Variants in PDE4D observed in about 807,000 individuals in gnomAD.
PDE4D encodes the protein 3',5'-cyclic-AMP phosphodiesterase 4D.
PDE4D carries 24 observed loss-of-function variants against 87.4 expected under a neutral mutation model. The ratio of observed to expected loss-of-function variants is 0.27; its 90% confidence interval spans 0.20 to 0.39. The LOEUF is 0.39. PDE4D is among the 10% of genes least tolerant of loss of function. The probability of loss-of-function intolerance (pLI) is 1.00; values close to 1 mark genes in which losing one functional copy is unlikely to be tolerated. For synonymous variants in PDE4D, 384 were observed against 383.2 expected, an observed-to-expected ratio of 1.00 and a Z score of -0.02; for missense variants, 714 against 1,041.0, an observed-to-expected ratio of 0.69 and a Z score of 4.32.
chr5:59,852,429 A>G (rs1744816654), intron 1 of PDE4D, among the ~76,000 whole-genome samples: 1 of 152,032 alleles, frequency 6.6e-6, no homozygotes, highest in South Asian at 2.1e-4. Flanking sequence ...AACCATGAAG[A>G]TCCTTAAGCT....
intron 1 of PDE4D, among the ~76,000 whole-genome samples, chr5:60,512,590 G>A: frequency 6.6e-6 from 1 of 152,062 alleles, no homozygotes; most frequent in East Asian, 1.9e-4. Flanking sequence ...AGAAGACTTT[G>A]GATGGCAATG....
chr5:60,297,836 C>G (rs1396814732), intron 1 of PDE4D, among the ~76,000 whole-genome samples: 1 of 152,126 alleles, frequency 6.6e-6, no homozygotes, highest in African/African-American at 2.4e-5. Flanking sequence ...TCTTTGCATG[C>G]TTAATTTAGC....
At chr5:60,319,348 G>A (rs745855470) in intron 1 of PDE4D, among the ~76,000 whole-genome samples, 1 of 152,136 alleles carries the variant, frequency 6.6e-6, no homozygotes. Context: ...GGTCCTTTAA[G>A]GACTTCTCTG....
intron 5 of PDE4D, 199 bp downstream of exon 5, chr5:59,180,396 A>G: frequency 1.4e-6 from 1 of 712,808 alleles, no homozygotes; most frequent in Non-Finnish European, 2.6e-6. Flanking sequence ...ATCAGTAAAA[A>G]ACGTAAATCG....
chr5:59,208,408 T>A (rs899320808), intron 2 of PDE4D, among the ~76,000 whole-genome samples: 1 of 152,254 alleles, frequency 6.6e-6, no homozygotes, highest in African/African-American at 2.4e-5. Context: ...AAGACTTCAG[T>A]ATATATCTAT....
At chr5:59,334,180 TG>T (rs1235369387) in intron 1 of PDE4D, among the ~76,000 whole-genome samples, 1 of 151,726 alleles carries the variant, frequency 6.6e-6, no homozygotes, top group African/African-American at 2.4e-5. Flanking sequence ...ATTGGCCACT[TG>T]TTTGATAATA....
rs185954667 is a variant in PDE4D, at chr5:60,030,221, C to T, written c.43-41504G>A. 7.2e-5 allele frequency among the ~76,000 whole-genome samples: 11 copies of T among 152,078 alleles called. No homozygotes were observed. In the South Asian group the frequency reaches 1.9e-3, roughly 26 times the overall value. ...ATCCCAGCACTTTGGGAGGCCGAGG[C>T]GGGTGGATCATGAGGTCAGGAGATC... is the stretch of plus-strand genomic sequence containing the variant. On this transcript the variant is annotated intron_variant, in intron 2 of 16. Coordinates refer to the PDE4D transcript ENST00000502484.
At chr5:59,854,826 C>T (rs1436660733) in intron 1 of PDE4D, among the ~76,000 whole-genome samples, 1 of 152,130 alleles carries the variant, frequency 6.6e-6, no homozygotes, top group East Asian at 1.9e-4. Flanking sequence ...CACTCAGCCT[C>T]TCTCAAGTTG....
rs188299745 is a variant in PDE4D at position 59,496,639 on chromosome 5, C to T, written c.456-280671G>A. On this transcript the variant is annotated intron_variant, in intron 1 of 14. Transcript: ENST00000340635. ...CGGCCCCTAAGGGAGGGGGATGTAG[C>T]CGGCTAAAGCCCCTCTTGGGTCAAA... is the stretch of plus-strand genomic sequence containing the variant. Among the ~76,000 whole-genome samples, 31 of 152,254 alleles carry T rather than the reference C, an allele frequency of 2.0e-4. No individual in the cohort carries two copies. In the East Asian group the frequency reaches 6.0e-3, roughly 30 times the overall value.
Position 59,850,666 on chromosome 5 carries a change from C to T in PDE4D, c.455+42502G>A, listed in dbSNP as rs185916919. 2.0e-5 allele frequency among the ~76,000 whole-genome samples: 3 copies of T among 152,038 alleles called. No individual in the cohort carries two copies. The East Asian group carries it at 5.8e-4, about 30-fold the overall frequency. ...GAAAGGGATGACGCCAGAGATGGTA[C>T]AGATTATGTCCTCAAGTGCCTTTAC... On this transcript the variant is annotated intron_variant, in intron 1 of 14. Transcript: ENST00000340635.
intron 1 of PDE4D, among the ~76,000 whole-genome samples, chr5:59,861,291 A>AT (rs949533201): frequency 2.0e-5 from 3 of 151,998 alleles, no homozygotes; most frequent in South Asian, 2.1e-4. Flanking sequence ...AATAAGCCTA[A>AT]TTTTTTTTAA....
intron 1 of PDE4D, among the ~76,000 whole-genome samples, chr5:59,584,833 T>A (rs955809886): frequency 3.3e-5 from 5 of 152,062 alleles, no homozygotes. Flanking sequence ...AGGTATAAAA[T>A]GAACTCTGAA....
intron 1 of PDE4D, among the ~76,000 whole-genome samples, chr5:60,363,881 G>A (rs538942632): frequency 5.9e-5 from 9 of 152,206 alleles, no homozygotes; most frequent in Admixed American, 2.6e-4. Context: ...AGGCCAGCCC[G>A]TGTAATTCAA....
chr5:59,018,248 C>G (rs1327524924), intron 6 of PDE4D, among the ~76,000 whole-genome samples: 8 of 152,186 alleles, frequency 5.3e-5, no homozygotes, highest in Non-Finnish European at 8.8e-5. Flanking sequence ...GCTGAGAATG[C>G]TTTTGGAGAT....
intron 1 of PDE4D, among the ~76,000 whole-genome samples, chr5:59,390,869 G>A (rs1788101720): frequency 6.6e-6 from 1 of 152,124 alleles, no homozygotes; most frequent in African/African-American, 2.4e-5. Flanking sequence ...GTCACTCCAA[G>A]AGGAAGAAAA....
intron 1 of PDE4D, among the ~76,000 whole-genome samples, chr5:59,525,906 C>A (rs910495533): frequency 1.3e-5 from 2 of 152,162 alleles, no homozygotes; most frequent in Admixed American, 6.5e-5. Flanking sequence ...TTTCCTGAAG[C>A]CTTTCCAGTC....
intron 1 of PDE4D, among the ~76,000 whole-genome samples, chr5:60,441,864 GA>G: frequency 6.6e-6 from 1 of 151,996 alleles, no homozygotes; most frequent in East Asian, 1.9e-4. Context: ...GGTCATTAGA[GA>G]AACGCAAATC....
chr5:59,178,417 C>T (rs536507268), intron 5 of PDE4D, among the ~76,000 whole-genome samples: 15 of 152,214 alleles, frequency 9.9e-5, no homozygotes, highest in East Asian at 3.9e-4. Flanking sequence ...CTTGTGGGTA[C>T]GAATGAGGCC....
At chr5:60,369,404 A>G (rs111385043) in intron 1 of PDE4D, among the ~76,000 whole-genome samples, 2 of 152,196 alleles carry the variant, frequency 1.3e-5, no homozygotes, top group East Asian at 1.9e-4. Flanking sequence ...TTATTTCCCC[A>G]TGGGTTCAGA....
Sources: allele counts gnomAD v4.1 joint callset (sites outside exome capture counted in the v4.1 genomes callset), GRCh38; gene constraint gnomAD v4.1.1; transcripts MANE v1.5; gene names NCBI Gene and HGNC (gene_info 2026-07-23, HGNC 2026-07-21).